The following WNK3 variants were observed in gnomAD, a reference collection of about 807,000 sequenced individuals.
WNK3 encodes serine/threonine-protein kinase WNK3.
Under a neutral mutation model 116.7 loss-of-function variants are expected in WNK3, and 18 were observed. The ratio of observed to expected loss-of-function variants is 0.15; its 90% CI spans 0.11 to 0.23. The LOEUF (loss-of-function observed/expected upper bound fraction) is 0.23. Ranked by LOEUF, WNK3 falls within the 10% of genes least tolerant of loss-of-function variation. The pLI is 1.00. For missense variants in WNK3, 993 were observed against 1,323.8 expected (o/e 0.75, Z 3.88); for synonymous variants, 404 against 469.4 (o/e 0.86, Z 1.80).
exon 18 of WNK3, chrX:54,239,079 T>C: frequency 8.5e-7 from 1 of 1,177,145 alleles, no homozygotes; most frequent in Non-Finnish European, 1.1e-6. Flanking sequence ...CCCCTGGAAG[T>C]GAAGCATCTG....
At chrX:54,263,755 G>A (rs2055248856) in intron 10 of WNK3, among the ~76,000 whole-genome samples, 2 of 111,216 alleles carry the variant, frequency 1.8e-5, no homozygotes, top group South Asian at 7.6e-4. Flanking sequence ...GTTAACAGTG[G>A]AATTTTTGCT....
At chrX:54,219,717 A>C (rs1415218297) in intron 22 of WNK3, among the ~76,000 whole-genome samples, 2 of 107,832 alleles carry the variant, frequency 1.9e-5, no homozygotes, top group Non-Finnish European at 3.8e-5. Context: ...AGATCCACAC[A>C]TAACACTGTG....
intron 1 of WNK3, among the ~76,000 whole-genome samples, chrX:54,357,081 G>A (rs1557179507): frequency 9.1e-6 from 1 of 110,396 alleles, no homozygotes; most frequent in African/African-American, 3.3e-5. Context: ...ACACAAGCCA[G>A]CAATATTTCT....
At chrX:54,257,570 G>A (rs1234816457) in intron 11 of WNK3, among the ~76,000 whole-genome samples, 1 of 109,356 alleles carries the variant, frequency 9.1e-6, no homozygotes, top group African/African-American at 3.3e-5. Context: ...TGAGGTGGGC[G>A]GATCACCTGA....
At chrX:54,258,891 A>G (rs782032223) in intron 11 of WNK3, among the ~76,000 whole-genome samples, 1 of 110,240 alleles carries the variant, frequency 9.1e-6, no homozygotes, top group African/African-American at 3.3e-5. Flanking sequence ...TCCAATCTAT[A>G]TTTTTATACA....
In WNK3 at chrX:54,326,152, G is replaced by A. The variant is rs910385637; in HGVS notation, c.537+6985C>T. On this transcript the variant is annotated intron_variant, in intron 2 of 23. Transcript: ENST00000354646. ...GTTGCCCAGGCTGGAGTGCAGTAGCGTGATCTCAGCTCACTGTAAGCTCCG... is the reference window on the plus strand; with the variant it reads ...GTTGCCCAGGCTGGAGTGCAGTAGCATGATCTCAGCTCACTGTAAGCTCCG... Among the ~76,000 whole-genome samples the A allele has an allele frequency of 3.8e-5, 4 of 106,162 alleles. No homozygotes were observed. The Admixed American group carries it at 4.1e-4, about 11-fold the overall frequency. 92.2% of individuals were successfully genotyped at this position (106,162 alleles called of 115,157 possible). A position where few individuals can be genotyped will look rare whatever the true frequency, so the allele number is the denominator to read the frequency against.
intron 2 of WNK3, among the ~76,000 whole-genome samples, chrX:54,320,477 G>C (rs181143069): frequency 8.9e-6 from 1 of 111,853 alleles, no homozygotes; most frequent in Admixed American, 9.6e-5. Flanking sequence ...TATTACAAAG[G>C]CTTCAAAATG....
At chrX:54,268,439 G>A (rs2068341912) in intron 10 of WNK3, among the ~76,000 whole-genome samples, 1 of 111,595 alleles carries the variant, frequency 9.0e-6, no homozygotes, top group African/African-American at 3.3e-5. Context: ...GCTGCAGTGA[G>A]CCATGATCTT....
intron 15 of WNK3, 110 bp from the exon 16 acceptor site, chrX:54,250,241 T>C: frequency 1.3e-6 from 1 of 758,754 alleles, no homozygotes. Context: ...TCTCCATTTC[T>C]AATAGTACTA....
intron 10 of WNK3, among the ~76,000 whole-genome samples, chrX:54,281,516 T>C (rs1223115811): frequency 9.0e-6 from 1 of 111,048 alleles, no homozygotes; most frequent in African/African-American, 3.3e-5. Flanking sequence ...AAATAATACA[T>C]TGCATCCCTA....
At chrX:54,198,212 A>C in exon 24 of WNK3, 1 of 688,797 alleles carries the variant, frequency 1.5e-6, no homozygotes, top group Non-Finnish European at 2.1e-6. Context: ...GTCTAAAGTA[A>C]ACTCAAATGA....
intron 1 of WNK3, 145 bp from the exon 2 acceptor site, chrX:54,333,937 T>C: frequency 2.6e-6 from 1 of 391,081 alleles, no homozygotes. Context: ...CAGCAGACTC[T>C]AGGGACTGTG....
intron 22 of WNK3, among the ~76,000 whole-genome samples, chrX:54,215,365 AT>A (rs1158016886): frequency 9.0e-6 from 1 of 111,318 alleles, no homozygotes; most frequent in Non-Finnish European, 1.9e-5. Flanking sequence ...TGGTTTTCGT[AT>A]TTTTTGGTGG....
chrX:54,324,472 G>A (rs1261370742), intron 2 of WNK3, among the ~76,000 whole-genome samples: 1 of 111,901 alleles, frequency 8.9e-6, no homozygotes, highest in Non-Finnish European at 1.9e-5. Context: ...CCAGACAAAG[G>A]CTATCTCCTG....
At chrX:54,201,930 C>T (rs377095827) in intron 23 of WNK3, 61 bp downstream of exon 23, 57 of 1,018,925 alleles carry the variant, frequency 5.6e-5, no homozygotes, top group South Asian at 4.6e-4. Flanking sequence ...TAGGCCTAAG[C>T]GCATCAATTT....
At chrX:54,231,581 C>T (rs1371019413) in intron 21 of WNK3, among the ~76,000 whole-genome samples, 6 of 111,756 alleles carry the variant, frequency 5.4e-5, no homozygotes, top group African/African-American at 2.0e-4. Flanking sequence ...ACACTGTTTC[C>T]CTTTTCTCTG....
chrX:54,225,222 C>T (rs1557147551), intron 22 of WNK3, among the ~76,000 whole-genome samples: 1 of 108,798 alleles, frequency 9.2e-6, no homozygotes. Flanking sequence ...CTACACTCAA[C>T]CCTGGACAAC....
At chrX:54,205,538 GCAC>G (rs1366028898) in intron 22 of WNK3, among the ~76,000 whole-genome samples, 1 of 111,294 alleles carries the variant, frequency 9.0e-6, no homozygotes, top group East Asian at 2.8e-4. Flanking sequence ...AACAACCACT[GCAC>G]TCCAGCCTGG....
rs368901043 is a variant in WNK3 at position 54,326,388 on chromosome X, C to T, written c.537+6749G>A. 1.1e-4 allele frequency among the ~76,000 whole-genome samples: 12 copies of T among 111,614 alleles called. 1 individual carries two copies. The highest frequency in any genetic ancestry group is 3.7e-4 in the South Asian group (1 of 2,681). ...TACAGGCGTGAGCCACCGCACCAGG[C>T]CCCATTAATATATTTTTTAAATAAA... On this transcript the variant is annotated intron_variant, in intron 2 of 23. Coordinates refer to ENST00000354646, the Ensembl canonical transcript of WNK3.
Sources: allele counts gnomAD v4.1 joint callset (sites outside exome capture counted in the v4.1 genomes callset), GRCh38; gene constraint gnomAD v4.1.1; transcripts MANE v1.5; gene names NCBI Gene and HGNC (gene_info 2026-07-23, HGNC 2026-07-21).